Variants in NOTCH3 observed in about 807,000 individuals in gnomAD.
NOTCH3 encodes the protein notch receptor 3, also known as neurogenic locus notch homolog protein 3.
NOTCH3 carries 86 observed loss-of-function variants against 213.3 expected under a neutral mutation model. That is an observed-to-expected ratio of 0.40 (90% confidence interval 0.34 to 0.48). The LOEUF (loss-of-function observed/expected upper bound fraction) is 0.48, where lower values mean the gene tolerates loss of function less well. Among genes scored for constraint, NOTCH3 ranks in the 20% least tolerant of loss-of-function variants. The pLI, the probability that NOTCH3 is intolerant of heterozygous loss-of-function variation, is 0.57. For synonymous variants in NOTCH3, 1,354 were observed against 1,355.9 expected, an observed-to-expected ratio of 1.00 and a Z score of 0.03; for missense variants, 2,783 against 3,272.6, an observed-to-expected ratio of 0.85 and a Z score of 3.65.
intron 6 of NOTCH3, 60 bp from the exon 7 acceptor site, chr19:15,189,488 AC>A: frequency 6.4e-7 from 1 of 1,574,196 alleles, no homozygotes; most frequent in Non-Finnish European, 8.7e-7. Flanking sequence ...AAAGGCCCAC[AC>A]CCCTTGAGTA....
At chr19:15,188,918 C>G (rs1055721201) in intron 8 of NOTCH3, 71 bp downstream of exon 8, 3 of 1,483,588 alleles carry the variant, frequency 2.0e-6, no homozygotes, top group Admixed American at 1.9e-5. Flanking sequence ...TTCTGCTCAG[C>G]TCCCCATCCG....
rs1354782263 is a variant in NOTCH3, at chr19:15,178,151, G to A, written c.3838-61C>T. ...GAGGGTGGGGAGTGGAGGGAAGGAG[G>A]AGAAGAAATGGAGGAGTGGGGAAAA... On this transcript the variant is annotated intron_variant, in intron 23 of 32. Transcript: ENST00000263388. 12 of 1,043,256 alleles carry A rather than the reference G, an allele frequency of 1.2e-5. No homozygotes were observed. In the Admixed American group the frequency reaches 2.0e-4, roughly 17 times the overall value. The allele number at this position is 1,043,256 out of a possible 1,614,324, so 64.6% of individuals were successfully genotyped here.
At position 15,161,378 on chromosome 19, in the gene NOTCH3, G is replaced by A. The variant is rs988315685; in HGVS notation, c.6250C>T (p.Leu2084=). 13 of 1,525,208 alleles carry A rather than the reference G, an allele frequency of 8.5e-6. No homozygotes were observed. The African/African-American group carries it at 1.8e-4, about 21-fold the overall frequency. 94.5% of individuals were successfully genotyped at this position (1,525,208 alleles called of 1,614,324 possible). A position where few individuals can be genotyped will look rare whatever the true frequency, so the allele number is the denominator to read the frequency against. The change falls in exon 33 of 33, where the codon CTG becomes TTG. Residue 2084 remains leucine, a synonymous_variant. Transcript: ENST00000263388. Reference sequence around the variant, plus strand: ...AGGGGGCCCGGGCAGGCCAGCGTCAGCTTCTTGCCCCGCCCCCGGGGCCCC... The same window carrying A: ...AGGGGGCCCGGGCAGGCCAGCGTCAACTTCTTGCCCCGCCCCCGGGGCCCC... ...PQGPRGRGKK[L]TLACPGPLAD...
At position 15,178,000 on chromosome 19, in the gene NOTCH3, C is replaced by T; in HGVS notation, c.3928G>A (p.Gly1310Arg). 2 of 1,464,528 alleles carry T rather than the reference C, an allele frequency of 1.4e-6. No individual in the cohort carries two copies. Among genetic ancestry groups the T allele is most frequent in the South Asian group, 1.3e-5 (1 of 77,318 alleles). The allele number at this position is 1,464,528 out of a possible 1,614,324, so 90.7% of individuals were successfully genotyped here. A position where few individuals can be genotyped will look rare whatever the true frequency, so the allele number is the denominator to read the frequency against. Reference protein sequence around the residue: ...VGVPCQQTPRGPRCACPPGLS... With the variant: ...VGVPCQQTPRRPRCACPPGLS... Reference sequence around the variant, plus strand: ...CCTGGGGGGCAGGCGCAGCGCGGCCCGCGGGGCGTCTGCTGGCATGGGACG... The same window carrying T: ...CCTGGGGGGCAGGCGCAGCGCGGCCTGCGGGGCGTCTGCTGGCATGGGACG... Residue 1310 changes from glycine (G) to arginine (R), a missense_variant, in exon 24 of 33, where the codon GGG becomes AGG. By Grantham distance (125) the Gly-to-Arg change is moderately radical (BLOSUM62 -2). Transcript: ENST00000263388.
intron 27 of NOTCH3, 54 bp from the exon 28 acceptor site, chr19:15,170,224 G>C: frequency 6.6e-7 from 1 of 1,511,610 alleles, no homozygotes; most frequent in Non-Finnish European, 9.1e-7. Context: ...GTGTCCAGCT[G>C]GGAAGGAGGA....
intron 29 of NOTCH3, among the ~76,000 whole-genome samples, chr19:15,166,506 A>G (rs1568347873): frequency 4.0e-5 from 6 of 151,096 alleles, no homozygotes; most frequent in Non-Finnish European, 1.5e-5. Flanking sequence ...GTGTTTTAAA[A>G]GGGGGGGGGA....
chr19:15,161,207 C>A lies in NOTCH3; in HGVS notation c.6421G>T (p.Gly2141Cys), dbSNP rs1445856043. Residue 2141 changes from glycine to cysteine, a missense_variant, in exon 33 of 33, where the codon GGT (glycine) becomes TGT (cysteine). By Grantham distance (159) the Gly-to-Cys change is radical. This residue lies in a region of NOTCH3 where 441 missense variants were observed against 432.1 expected (regional missense o/e 1.02). Coordinates refer to ENST00000263388, the MANE Select transcript of NOTCH3 (RefSeq NM_000435.3). ...TATAVSLAQL[G>C]GPGRAGLGRQ... Reference sequence around the variant, plus strand: ...CCTAGACCCGCCCGGCCTGGGCCACCAAGCTGTGCCAGAGACACTGCAGTG... The same window carrying A: ...CCTAGACCCGCCCGGCCTGGGCCACAAAGCTGTGCCAGAGACACTGCAGTG... 6.5e-7 allele frequency: 1 copy of A among 1,543,988 alleles called. No homozygotes were observed. The highest frequency in any genetic ancestry group is 8.7e-7 in the Non-Finnish European group (1 of 1,150,458).
intron 29 of NOTCH3, among the ~76,000 whole-genome samples, chr19:15,166,937 A>G (rs1047253995): frequency 1.1e-4 from 10 of 91,216 alleles, no homozygotes; most frequent in African/African-American, 4.6e-4. Flanking sequence ...TCCAATCAGA[A>G]TGCATCCTGA....
intron 2 of NOTCH3, 59 bp downstream of exon 2, chr19:15,197,441 G>GCGCCCCCCCCCCCCCCCCC: frequency 1.3e-6 from 1 of 768,362 alleles, no homozygotes; most frequent in Non-Finnish European, 2.3e-6. Context: ...AAGACAAATC[G>GCGCCCCCCCCCCCCCCCCC]CCCCTCCCCC....
intron 24 of NOTCH3, 86 bp from the exon 25 acceptor site, chr19:15,174,486 A>T (rs1474162362): frequency 8.2e-6 from 8 of 977,542 alleles, no homozygotes; most frequent in Non-Finnish European, 1.2e-5. Flanking sequence ...CGTAGAGTAC[A>T]GAGACTCCAG....
In NOTCH3 at chr19:15,189,325, A is replaced by T. The variant is rs61749020; in HGVS notation, c.1140T>A (p.Pro380=). The change falls in exon 7 of 33, where the codon CCT becomes CCA. Residue 380 remains proline (P), a synonymous_variant. Transcript: ENST00000263388. ...PVNGRAICTC[P]PGFTGGACDQ... is the part of the protein sequence containing the mutation. The stretch of plus-strand genomic sequence containing the variant: ...CACATGCCCCACCCGTGAAGCCGGG[A>T]GGACAGGTGCAAATGGCCCGGCCGT... 1.2e-6 allele frequency: 2 copies of T among 1,613,900 alleles called. No individual in the cohort carries two copies. The highest frequency in any genetic ancestry group is 2.2e-5 in the South Asian group (2 of 91,086).
Position 15,178,825 on chromosome 19 carries a change from G to T in NOTCH3, c.3835C>A (p.Gln1279Lys), listed in dbSNP as rs1384030891. 6.3e-7 allele frequency: 1 copy of T among 1,591,540 alleles called. No individual in the cohort carries two copies. Among genetic ancestry groups the T allele is most frequent in the East Asian group, 2.3e-5 (1 of 44,068 alleles). ...GGLTFTCHCA[Q>K]PFWGPRCERV... ...CAAAGGCCGCCACCCACACCTACCTGGGCACAGTGACAGGTGAAGGTCAGC... is the reference window on the plus strand; with the variant it reads ...CAAAGGCCGCCACCCACACCTACCTTGGCACAGTGACAGGTGAAGGTCAGC... The change falls in exon 23 of 33, where the codon CAG (glutamine) becomes AAG (lysine). Residue 1279 changes from glutamine to lysine, a missense_variant and splice_region_variant. Around this residue, in one of 6 missense-constraint regions of NOTCH3, gnomAD observed 861 missense variants for 909.1 expected, o/e 0.95. Transcript: ENST00000263388.
intron 1 of NOTCH3, 47 bp downstream of exon 1, chr19:15,200,741 T>C (rs2145457232): frequency 1.6e-6 from 2 of 1,216,658 alleles, no homozygotes; most frequent in Non-Finnish European, 2.1e-6. Flanking sequence ...GTTCTTGCAC[T>C]CCCCCTCTGC....
chr19:15,171,089 C>T (rs1270256057), intron 25 of NOTCH3, among the ~76,000 whole-genome samples: 4 of 152,324 alleles, frequency 2.6e-5, no homozygotes, highest in South Asian at 2.1e-4. Context: ...TGCAGTGGTG[C>T]GATCTCGGCT....
At chr19:15,161,959 A>G (rs1395411005) in intron 32 of NOTCH3, among the ~76,000 whole-genome samples, 2 of 147,552 alleles carry the variant, frequency 1.4e-5, no homozygotes, top group Non-Finnish European at 3.0e-5. Context: ...TACTCACCTT[A>G]GGCATAACTT....
At chr19:15,199,387 T>G (rs1429095570) in intron 1 of NOTCH3, among the ~76,000 whole-genome samples, 2 of 152,204 alleles carry the variant, frequency 1.3e-5, no homozygotes, top group Non-Finnish European at 2.9e-5. Context: ...TGTGTTGGTG[T>G]GACCTGTGTG....
intron 2 of NOTCH3, among the ~76,000 whole-genome samples, chr19:15,195,388 C>A (rs1243539464): frequency 6.6e-6 from 1 of 152,004 alleles, no homozygotes; most frequent in Non-Finnish European, 1.5e-5. Context: ...GGGGCACTAG[C>A]GGGGTCAGAG....
chr19:15,170,365 G>A lies in NOTCH3; in HGVS notation c.5080C>T (p.Arg1694Trp), dbSNP rs2046721573. The A allele has an allele frequency of 1.2e-6, 2 of 1,613,622 alleles. No homozygotes were observed. The highest frequency in any genetic ancestry group is 1.7e-6 in the Non-Finnish European group (2 of 1,180,004). The change falls in exon 27 of 33, where the codon CGG becomes TGG. Residue 1694 changes from arginine (R) to tryptophan (W), a missense_variant. By Grantham distance (101) the Arg-to-Trp change is moderately radical. Transcript: ENST00000263388. ...KDVASGHKGR[R>W]EPVGQDALGM... ...AGCGCGTCCTGGCCCACGGGTTCCC[G>A]CCGGCCCTTGTGACCAGAGGCCACG...
In NOTCH3 at chr19:15,170,437, C is replaced by T. The variant is rs754875491; in HGVS notation, c.5008G>A (p.Glu1670Lys). The change falls in exon 27 of 33, where the codon GAG becomes AAG. Residue 1670 changes from glutamate to lysine, a missense_variant. Physicochemically the swap from Glu to Lys is moderately conservative, Grantham distance 56. Transcript: ENST00000263388. Reference sequence around the variant, plus strand: ...TCAGGGAACCAGAGGGTGCTGTGCTCGCGCTTGCGCCGGGCCACCATGACA... The same window carrying T: ...TCAGGGAACCAGAGGGTGCTGTGCTTGCGCTTGCGCCGGGCCACCATGACA... ...LGVMVARRKR[E>K]HSTLWFPEGF... 7.4e-6 allele frequency: 12 copies of T among 1,611,554 alleles called. No individual in the cohort carries two copies. Among genetic ancestry groups the T allele is most frequent in the East Asian group, 4.5e-5 (2 of 44,890 alleles).
Sources: allele counts gnomAD v4.1 joint callset (sites outside exome capture counted in the v4.1 genomes callset), GRCh38; gene constraint gnomAD v4.1.1; regional missense constraint gnomAD v4.1.1; transcripts MANE v1.5; gene names NCBI Gene and HGNC (gene_info 2026-07-23, HGNC 2026-07-21).